The following EHBP1 variants were observed in gnomAD, a reference collection of about 807,000 sequenced individuals.
EHBP1 encodes the protein EH domain binding protein 1, also known as EH domain-binding protein 1.
In EHBP1, 55 loss-of-function variants were observed where a neutral mutation model predicts 144.0. The observed-to-expected ratio is 0.38, with a 90% CI of 0.31 to 0.48. The LOEUF is 0.48. Ranked by LOEUF, EHBP1 falls within the 20% of genes least tolerant of loss-of-function variation. The pLI, the probability that EHBP1 is intolerant of heterozygous loss-of-function variation, is 0.98. For synonymous variants in EHBP1, 469 were observed against 472.7 expected (o/e 0.99, Z 0.10); for missense variants, 1,200 against 1,364.2 (o/e 0.88, Z 1.90).
intron 5 of EHBP1, among the ~76,000 whole-genome samples, chr2:62,817,486 A>G (rs1299143233): frequency 6.6e-6 from 1 of 152,182 alleles, no homozygotes; most frequent in Non-Finnish European, 1.5e-5. Context: ...AGCATAGTAG[A>G]TAAGATCAAA....
intron 10 of EHBP1, among the ~76,000 whole-genome samples, chr2:62,895,546 A>C (rs1327928390): frequency 6.6e-6 from 1 of 152,108 alleles, no homozygotes. Context: ...ACTGGAGCTC[A>C]CTCTGTTGGT....
chr2:62,680,514 G>A (rs1558504534), intron 1 of EHBP1, among the ~76,000 whole-genome samples: 1 of 152,126 alleles, frequency 6.6e-6, no homozygotes, highest in African/African-American at 2.4e-5. Context: ...AGGGGGGAGG[G>A]GGGAAAAGGG....
intron 10 of EHBP1, among the ~76,000 whole-genome samples, chr2:62,910,303 A>G (rs919618216): frequency 2.0e-5 from 3 of 152,168 alleles, no homozygotes; most frequent in Non-Finnish European, 2.9e-5. Flanking sequence ...AAGTACTTCA[A>G]TTTTAATCCC....
At chr2:62,762,930 C>A (rs2040875992) in intron 3 of EHBP1, among the ~76,000 whole-genome samples, 1 of 152,124 alleles carries the variant, frequency 6.6e-6, no homozygotes, top group South Asian at 2.1e-4. Context: ...AATGACCTAC[C>A]AGGGCCTTAT....
chr2:62,722,235 G>A (rs1206069347), intron 2 of EHBP1, among the ~76,000 whole-genome samples: 4 of 151,784 alleles, frequency 2.6e-5, no homozygotes, highest in Admixed American at 6.6e-5. Context: ...GGGTTCAGGC[G>A]ATTCTCCTGC....
At chr2:62,752,424 G>T (rs988458373) in intron 3 of EHBP1, among the ~76,000 whole-genome samples, 14 of 152,336 alleles carry the variant, frequency 9.2e-5, no homozygotes, top group African/African-American at 3.4e-4. Context: ...TGGAGTAAGT[G>T]TGGTGTGGTG....
At chr2:62,736,977 C>G (rs1033122453) in intron 2 of EHBP1, among the ~76,000 whole-genome samples, 1 of 152,090 alleles carries the variant, frequency 6.6e-6, no homozygotes, top group African/African-American at 2.4e-5. Flanking sequence ...TCAGTAAGGA[C>G]TGGGTTTGGG....
At chr2:62,996,617 TC>T (rs776697926) in intron 18 of EHBP1, 25 bp from the exon 19 acceptor site, 57 of 1,612,258 alleles carry the variant, frequency 3.5e-5, no homozygotes, top group Non-Finnish European at 4.5e-5. Context: ...GATTTTTTTT[TC>T]CTTCCTGTTT....
chr2:62,819,936 C>T (rs902508399), intron 5 of EHBP1, among the ~76,000 whole-genome samples: 11 of 151,924 alleles, frequency 7.2e-5, no homozygotes, highest in African/African-American at 2.7e-4. Context: ...TGAGGCTGGG[C>T]GTGGTGGCTC....
intron 5 of EHBP1, among the ~76,000 whole-genome samples, chr2:62,777,148 A>G (rs1033283941): frequency 1.1e-4 from 17 of 151,970 alleles, no homozygotes; most frequent in Admixed American, 4.6e-4. Context: ...CTAATTTTCT[A>G]TTTTGTAGAG....
intron 1 of EHBP1, among the ~76,000 whole-genome samples, chr2:62,681,387 T>C (rs1319137768): frequency 7.2e-6 from 1 of 138,358 alleles, no homozygotes; most frequent in Admixed American, 7.3e-5. Flanking sequence ...AAATATATAA[T>C]GTGTATATAT....
At chr2:62,855,912 C>G (rs2049017038) in intron 7 of EHBP1, among the ~76,000 whole-genome samples, 1 of 152,160 alleles carries the variant, frequency 6.6e-6, no homozygotes, top group Non-Finnish European at 1.5e-5. Flanking sequence ...ACTCCACGGT[C>G]TCTCTGCTGA....
intron 15 of EHBP1, among the ~76,000 whole-genome samples, chr2:62,983,292 TG>T (rs1009427982): frequency 3.9e-4 from 59 of 152,246 alleles, no homozygotes; most frequent in African/African-American, 8.9e-4. Context: ...ATTTCTGCTT[TG>T]GGAATTTATT....
At chr2:62,803,505 A>G (rs1001808057) in intron 5 of EHBP1, among the ~76,000 whole-genome samples, 1 of 152,198 alleles carries the variant, frequency 6.6e-6, no homozygotes, top group Admixed American at 6.5e-5. Flanking sequence ...TCTAATCATT[A>G]TATCATCATT....
chr2:62,854,876 TC>T (rs2048925307), intron 7 of EHBP1, among the ~76,000 whole-genome samples: 1 of 152,142 alleles, frequency 6.6e-6, no homozygotes, highest in Admixed American at 6.5e-5. Flanking sequence ...CCCCGCCCCT[TC>T]TGAGTTGGGG....
At chr2:62,846,748 AAC>A (rs1331305963) in intron 7 of EHBP1, among the ~76,000 whole-genome samples, 1 of 152,196 alleles carries the variant, frequency 6.6e-6, no homozygotes, top group Non-Finnish European at 1.5e-5. Flanking sequence ...GTAAATAAAA[AAC>A]AGACTAAGAA....
In EHBP1 at chr2:63,045,336, G is replaced by A. The variant is rs944197883; in HGVS notation, c.3393-74G>A. ...GCTGGGGATCCAAATACTGGGCGAC[G>A]GGGGAGTGCTGCTCTGCCCTCCACG... On this transcript the variant is annotated intron_variant, in intron 22 of 22. Transcript: ENST00000431489. This position sits in a 1 kb window ranked among gnomAD's most constrained non-coding sequence, Gnocchi z 5.7. 3 of 1,463,610 alleles carry A rather than the reference G, an allele frequency of 2.0e-6. No homozygotes were observed. The highest frequency in any genetic ancestry group is 1.2e-5 in the South Asian group (1 of 86,108). The allele number at this position is 1,463,610 out of a possible 1,614,324, so 90.7% of individuals were successfully genotyped here. A position where few individuals can be genotyped will look rare whatever the true frequency, so the allele number is the denominator to read the frequency against.
chr2:62,726,555 G>C (rs1343383283), intron 2 of EHBP1: 2 of 152,190 alleles, frequency 1.3e-5, no homozygotes, highest in East Asian at 3.8e-4. Context: ...CGGCCATCTT[G>C]CCCTCTCTCT....
chr2:62,823,649 G>T lies in EHBP1; in HGVS notation c.313-2438G>T, dbSNP rs181969673. On this transcript the variant is annotated intron_variant, in intron 5 of 22. Coordinates refer to ENST00000431489, the MANE Select transcript of EHBP1 (RefSeq NM_001142616.3). The stretch of plus-strand genomic sequence containing the variant: ...ATAAAGAACAAAAATTCATGGAGTG[G>T]GGTTAGAGCTGTGAAAGATCCCCAT... Among the ~76,000 whole-genome samples the T allele has an allele frequency of 4.8e-4, 73 of 152,092 alleles. 1 individual carries two copies. The highest frequency in any genetic ancestry group is 4.7e-4 in the Non-Finnish European group (32 of 67,908).
Sources: allele counts gnomAD v4.1 joint callset (sites outside exome capture counted in the v4.1 genomes callset), GRCh38; gene constraint gnomAD v4.1.1; non-coding constraint Gnocchi (gnomAD v3.1); transcripts MANE v1.5; gene names NCBI Gene and HGNC (gene_info 2026-07-23, HGNC 2026-07-21).